The following CBFB variants were observed in gnomAD, a reference collection of about 807,000 sequenced individuals.
CBFB encodes CBF-beta.
CBFB carries 9 observed loss-of-function variants against 30.4 expected under a neutral mutation model. The ratio of observed to expected loss-of-function variants is 0.30; its 90% confidence interval spans 0.18 to 0.52. The LOEUF is 0.52. Among genes scored for constraint, CBFB ranks in the 20% least tolerant of loss-of-function variants. CBFB has a pLI of 0.97. For missense variants in CBFB, 170 were observed against 244.0 expected, an observed-to-expected ratio of 0.70 and a Z score of 2.02; for synonymous variants, 94 against 84.0, an observed-to-expected ratio of 1.12 and a Z score of -0.65.
At chr16:67,074,198 C>T (rs957761953) in intron 4 of CBFB, among the ~76,000 whole-genome samples, 4 of 109,130 alleles carry the variant, frequency 3.7e-5, no homozygotes, top group African/African-American at 1.5e-4. Context: ...TATATACCAG[C>T]AATAAACAAA....
Position 67,055,427 on chromosome 16 carries a change from C to T in CBFB, c.283-11255C>T, listed in dbSNP as rs137973004. ...TGTCGCCCAGGCTGGAGTGCAGTGG[C>T]GCATCTCGGCTCACTGCAAGCTCCG... On this transcript the variant is annotated intron_variant, in intron 3 of 5. Coordinates refer to ENST00000412916, the MANE Select transcript of CBFB (RefSeq NM_022845.3). 5.0e-3 allele frequency among the ~76,000 whole-genome samples: 623 copies of T among 124,406 alleles called. 10 individuals carry two copies. The highest frequency in any genetic ancestry group is 0.018 in the African/African-American group (565 of 31,344). 81.6% of individuals were successfully genotyped at this position (124,406 alleles called of 152,430 possible).
intron 3 of CBFB, among the ~76,000 whole-genome samples, chr16:67,045,792 C>A (rs964347861): frequency 5.4e-5 from 8 of 147,712 alleles, no homozygotes; most frequent in African/African-American, 7.6e-5. Flanking sequence ...CTTCTACTTT[C>A]TACATTTTTT....
chr16:67,043,533 C>G (rs976035684), intron 3 of CBFB, among the ~76,000 whole-genome samples: 3 of 152,098 alleles, frequency 2.0e-5, no homozygotes, highest in African/African-American at 7.2e-5. Flanking sequence ...AACTTTTATA[C>G]CCAGGTACCT....
chr16:67,100,637 A>T lies in CBFB; in HGVS notation c.*1859A>T, dbSNP rs941602932. The T allele has an allele frequency of 9.0e-6, 2 of 221,604 alleles. No individual in the cohort carries two copies. The highest frequency in any genetic ancestry group is 1.8e-5 in the Non-Finnish European group (2 of 110,586). The allele number at this position is 221,604 out of a possible 1,614,324, so 13.7% of individuals were successfully genotyped here. A position where few individuals can be genotyped will look rare whatever the true frequency, so the allele number is the denominator to read the frequency against. ...CTTGGTTTTTTACTTCTGCACTTAA[A>T]TTTTTTTAAATAACATGATGATGGT... On this transcript the variant is annotated 3_prime_UTR_variant, in exon 6 of 6. Transcript: ENST00000412916.
chr16:67,092,698 CTTTTTTTTTT>C (rs777213321), intron 5 of CBFB, among the ~76,000 whole-genome samples: 15 of 33,530 alleles, frequency 4.5e-4, no homozygotes, highest in Middle Eastern at 0.033. Flanking sequence ...GTGGTGCAAT[CTTTTTTTTTT>C]TTTTTTTTTT....
intron 3 of CBFB, among the ~76,000 whole-genome samples, chr16:67,046,076 G>T (rs1022026726): frequency 1.3e-4 from 19 of 151,092 alleles, no homozygotes; most frequent in African/African-American, 3.2e-4. Flanking sequence ...GATTATAGGC[G>T]CTCTGAGCCA....
At position 67,044,575 on chromosome 16, in the gene CBFB, T is replaced by C. The variant is rs550000216; in HGVS notation, c.282+7820T>C. On this transcript the variant is annotated intron_variant, in intron 3 of 5. Coordinates refer to ENST00000412916, the MANE Select transcript of CBFB (RefSeq NM_022845.3). ...TTAAAAGTCTTTTAATTTATTTTTATGAGCATAAAATAAAGCAAAATCTAA... is the reference window on the plus strand; with the variant it reads ...TTAAAAGTCTTTTAATTTATTTTTACGAGCATAAAATAAAGCAAAATCTAA... Among the ~76,000 whole-genome samples, 106 of 152,330 alleles carry C rather than the reference T, an allele frequency of 7.0e-4. 1 individual carries two copies. The highest frequency in any genetic ancestry group is 2.4e-3 in the African/African-American group (100 of 41,576).
At position 67,036,705 on chromosome 16, in the gene CBFB, C is replaced by T. The variant is rs2145713574; in HGVS notation, c.232C>T (p.Arg78Ter). Reference protein sequence around the residue: ...FFPASWQGEQRQTPSREYVDL... With the variant: ...FFPASWQGEQ ...TCCGGCCAGCTGGCAGGGAGAACAG[C>T]GACAAACACCTAGCCGAGAGTATGT... Residue 78 changes from arginine (R) to a stop codon, truncating the protein, a stop_gained, in exon 3 of 6, where the codon CGA (arginine) becomes TGA (stop). Transcript: ENST00000412916. LOFTEE classifies it high-confidence loss of function. 1.2e-6 allele frequency: 2 copies of T among 1,613,394 alleles called. No individual in the cohort carries two copies. Among genetic ancestry groups the T allele is most frequent in the East Asian group, 2.2e-5 (1 of 44,878 alleles).
At chr16:67,084,386 A>AG (rs1961659510) in intron 5 of CBFB, among the ~76,000 whole-genome samples, 1 of 152,102 alleles carries the variant, frequency 6.6e-6, no homozygotes, top group Non-Finnish European at 1.5e-5. Context: ...TATATCAACT[A>AG]AACAGAACCA....
In CBFB at chr16:67,082,147, A is replaced by C; in HGVS notation, c.400-66A>C. On this transcript the variant is annotated intron_variant, in intron 4 of 5. Coordinates refer to ENST00000412916, the MANE Select transcript of CBFB (RefSeq NM_022845.3). Reference sequence around the variant, plus strand: ...GTTTCAGGAAAAAAAAAAAAAAAACAAAACCCAAATATTGTATTTTTTTTA... The same window carrying C: ...GTTTCAGGAAAAAAAAAAAAAAAACCAAACCCAAATATTGTATTTTTTTTA... 5 of 1,332,888 alleles carry C rather than the reference A, an allele frequency of 3.8e-6. No homozygotes were observed. The South Asian group carries it at 8.0e-5, about 21-fold the overall frequency. The allele number at this position is 1,332,888 out of a possible 1,614,324, so 82.6% of individuals were successfully genotyped here.
intron 3 of CBFB, among the ~76,000 whole-genome samples, chr16:67,043,122 A>G (rs1966559956): frequency 1.3e-5 from 2 of 152,196 alleles, no homozygotes; most frequent in African/African-American, 4.8e-5. Context: ...TAGCCTGTTC[A>G]TTAGAAGCTG....
At chr16:67,074,522 A>G (rs1961331130) in intron 4 of CBFB, among the ~76,000 whole-genome samples, 1 of 151,798 alleles carries the variant, frequency 6.6e-6, no homozygotes, top group South Asian at 2.1e-4. Flanking sequence ...AGCTGGGACT[A>G]CAGGCACGTG....
rs192765686 is a variant in CBFB at position 67,100,902 on chromosome 16, T to A, written c.*2124T>A. The A allele has an allele frequency of 5.1e-6, 1 of 197,148 alleles. No individual in the cohort carries two copies. Among genetic ancestry groups the A allele is most frequent in the African/African-American group, 2.3e-5 (1 of 43,392 alleles). The allele number at this position is 197,148 out of a possible 1,614,324, so 12.2% of individuals were successfully genotyped here. Reference sequence around the variant, plus strand: ...GATGCAATTTGATATTTTTTCATAATCTATATTTAAACAAAATTACATCAT... The same window carrying A: ...GATGCAATTTGATATTTTTTCATAAACTATATTTAAACAAAATTACATCAT... On this transcript the variant is annotated 3_prime_UTR_variant, in exon 6 of 6. Coordinates refer to ENST00000412916, the MANE Select transcript of CBFB (RefSeq NM_022845.3).
At chr16:67,054,672 A>G (rs182887517) in intron 3 of CBFB, among the ~76,000 whole-genome samples, 13 of 152,182 alleles carry the variant, frequency 8.5e-5, no homozygotes, top group Middle Eastern at 6.8e-3. Context: ...TTTTTGGTCT[A>G]CCTTCCAGAA....
At chr16:67,037,038 A>G (rs547944207) in intron 3 of CBFB, among the ~76,000 whole-genome samples, 13 of 152,182 alleles carry the variant, frequency 8.5e-5, no homozygotes, top group Non-Finnish European at 7.4e-5. Flanking sequence ...AGCTGGGATT[A>G]CAGGTACCCG....
chr16:67,029,987 C>T (rs760151758), intron 2 of CBFB, 174 bp downstream of exon 2: 1 of 476,704 alleles, frequency 2.1e-6, no homozygotes. Flanking sequence ...CCGGTACTCG[C>T]GGGGAGACGC....
At chr16:67,051,829 ACCTC>A (rs1054920098) in intron 3 of CBFB, among the ~76,000 whole-genome samples, 6 of 148,318 alleles carry the variant, frequency 4.0e-5, no homozygotes, top group African/African-American at 1.5e-4. Flanking sequence ...GCTCACTGCA[ACCTC>A]CACCTTCTGG....
chr16:67,030,131 TA>T (rs1202526230), intron 2 of CBFB: 4 of 279,240 alleles, frequency 1.4e-5, no homozygotes, highest in Non-Finnish European at 6.6e-6. Flanking sequence ...AGGGTATTTG[TA>T]GCAAGCAAAC....
At chr16:67,066,417 A>G (rs898633992) in intron 3 of CBFB, among the ~76,000 whole-genome samples, 2 of 150,654 alleles carry the variant, frequency 1.3e-5, no homozygotes, top group African/African-American at 2.4e-5. Context: ...AAAATTAGCC[A>G]GGCATGATGG....
Sources: gnomAD v4.1 joint callset for allele counts (sites outside exome capture counted in the v4.1 genomes callset) on GRCh38, gnomAD v4.1.1 for gene constraint, MANE v1.5 for transcripts, NCBI Gene and HGNC (gene_info 2026-07-23, HGNC 2026-07-21) for gene names.